NFXL1: variants seen among roughly 807,000 people sequenced by gnomAD.
NFXL1 encodes NF-X1-type zinc finger protein NFXL1.
Under a neutral mutation model 123.3 loss-of-function variants are expected in NFXL1, and 66 were observed. The observed-to-expected ratio is 0.54, with a 90% CI of 0.44 to 0.66. The LOEUF is 0.66. Among genes scored for constraint, NFXL1 ranks in the 30% least tolerant of loss-of-function variants. The pLI is 0.00. For synonymous variants in NFXL1, 346 were observed against 360.8 expected (o/e 0.96, Z 0.46); for missense variants, 944 against 1,125.6 (o/e 0.84, Z 2.31).
Position 47,875,106 on chromosome 4 carries a change from CT to C in NFXL1, c.2246+20del, listed in dbSNP as rs750205635. The C allele has an allele frequency of 4.5e-5, 69 of 1,520,348 alleles. No individual in the cohort carries two copies. Among genetic ancestry groups the C allele is most frequent in the Admixed American group, 2.1e-4 (12 of 56,844 alleles). The allele number at this position is 1,520,348 out of a possible 1,614,324, so 94.2% of individuals were successfully genotyped here. A position where few individuals can be genotyped will look rare whatever the true frequency, so the allele number is the denominator to read the frequency against. ...TTCAACTAATTGTAATAAAATAAGA[CT>C]TTTTTTTCAGTCTACTTACCTACAT... On this transcript the variant is annotated intron_variant, in intron 18 of 22. Coordinates refer to ENST00000507489, the MANE Select transcript of NFXL1 (RefSeq NM_001278624.2).
intron 18 of NFXL1, among the ~76,000 whole-genome samples, chr4:47,872,622 T>C (rs541568961): frequency 6.6e-6 from 1 of 152,302 alleles, no homozygotes; most frequent in African/African-American, 2.4e-5. Flanking sequence ...AAAAGTTATG[T>C]TTACACAATA....
chr4:47,891,338 C>G (rs1736759378), intron 11 of NFXL1, among the ~76,000 whole-genome samples: 2 of 152,070 alleles, frequency 1.3e-5, no homozygotes, highest in African/African-American at 4.8e-5. Flanking sequence ...TCTCAAACTC[C>G]TGAGCTCAAG....
Position 47,905,274 on chromosome 4 carries a change from C to T in NFXL1, c.479G>A (p.Cys160Tyr). The change falls in exon 4 of 23, where the codon TGC becomes TAC. Residue 160 changes from cysteine (C) to tyrosine (Y), a missense_variant. Cys to Tyr is a radical substitution (Grantham distance 194, BLOSUM62 -2). Coordinates refer to ENST00000507489, the MANE Select transcript of NFXL1 (RefSeq NM_001278624.2). ...CTTCACCGAAGCAATACAAATTAGG[C>T]ATGTCATAGCCCCTGCTTGAAAAGC... ...NEAFQAGAMT[C>Y]LICIASVKRN... is the part of the protein sequence containing the mutation. 1 of 1,591,550 alleles carries T rather than the reference C, an allele frequency of 6.3e-7. No homozygotes were observed. The highest frequency in any genetic ancestry group is 8.6e-7 in the Non-Finnish European group (1 of 1,161,774).
chr4:47,875,397 C>A lies in NFXL1; in HGVS notation c.2080-104G>T, dbSNP rs1028888829. 3.9e-6 allele frequency: 3 copies of A among 759,756 alleles called. No individual in the cohort carries two copies. In the African/African-American group the frequency reaches 5.3e-5, roughly 13 times the overall value. The allele number at this position is 759,756 out of a possible 1,614,324, so 47.1% of individuals were successfully genotyped here. ...TATATCCCATTAAAATAAAGTACTT[C>A]TGCAGTTCTTAGAAACAGAGTTAAT... is the stretch of plus-strand genomic sequence containing the variant. On this transcript the variant is annotated intron_variant, in intron 17 of 22. Coordinates refer to ENST00000507489, the MANE Select transcript of NFXL1 (RefSeq NM_001278624.2).
intron 6 of NFXL1, 118 bp downstream of exon 6, chr4:47,899,252 T>C: frequency 2.3e-6 from 3 of 1,284,622 alleles, no homozygotes; most frequent in Non-Finnish European, 3.2e-6. Context: ...GCAATAACTT[T>C]CAATATTTTC....
At chr4:47,907,294 C>T (rs1192660367) in intron 3 of NFXL1, among the ~76,000 whole-genome samples, 1 of 152,214 alleles carries the variant, frequency 6.6e-6, no homozygotes, top group East Asian at 1.9e-4. Flanking sequence ...AAATGACATG[C>T]ATATGCCATC....
rs1183623179 is a variant in NFXL1, at chr4:47,885,670, G to A, written c.1665-13C>T. 1.2e-6 allele frequency: 2 copies of A among 1,605,898 alleles called. No individual in the cohort carries two copies. The highest frequency in any genetic ancestry group is 2.2e-5 in the East Asian group (1 of 44,806). On this transcript the variant is annotated splice_polypyrimidine_tract_variant and intron_variant, in intron 13 of 22. Transcript: ENST00000507489. Reference sequence around the variant, plus strand: ...AGTTGGTGGTCGACTAAATCATAAAGTACAATTTTCAAAAATTACTTTTAG... The same window carrying A: ...AGTTGGTGGTCGACTAAATCATAAAATACAATTTTCAAAAATTACTTTTAG...
chr4:47,879,529 C>G (rs1355618156), intron 15 of NFXL1, among the ~76,000 whole-genome samples: 1 of 152,074 alleles, frequency 6.6e-6, no homozygotes, highest in African/African-American at 2.4e-5. Flanking sequence ...CAACATGATT[C>G]CAATCAAAAT....
intron 15 of NFXL1, among the ~76,000 whole-genome samples, chr4:47,879,557 T>C (rs1735956239): frequency 1.3e-5 from 2 of 152,166 alleles, no homozygotes; most frequent in African/African-American, 4.8e-5. Flanking sequence ...AGTTATTTTG[T>C]ATATATCAAC....
At position 47,852,965 on chromosome 4, in the gene NFXL1, G is replaced by T. The variant is rs1356046686; in HGVS notation, c.2422-1023C>A. On this transcript the variant is annotated intron_variant, in intron 20 of 22. Coordinates refer to ENST00000507489, the MANE Select transcript of NFXL1 (RefSeq NM_001278624.2). ...GGCATGGAATTTTATTACTTGGAGGGTTTTTTTTTTTTTATTCCTTAGTTC... is the reference window on the plus strand; with the variant it reads ...GGCATGGAATTTTATTACTTGGAGGTTTTTTTTTTTTTTATTCCTTAGTTC... Among the ~76,000 whole-genome samples, 52 of 141,506 alleles carry T rather than the reference G, an allele frequency of 3.7e-4. 1 individual carries two copies. Among genetic ancestry groups the T allele is most frequent in the Non-Finnish European group, 7.8e-5 (5 of 64,298 alleles). The allele number at this position is 141,506 out of a possible 152,430, so 92.8% of individuals were successfully genotyped here.
At chr4:47,854,765 T>C (rs532136811) in intron 20 of NFXL1, among the ~76,000 whole-genome samples, 2 of 152,170 alleles carry the variant, frequency 1.3e-5, no homozygotes, top group Admixed American at 6.5e-5. Flanking sequence ...TAAAGCACAT[T>C]GACCAAAACA....
intron 17 of NFXL1, 38 bp downstream of exon 17, chr4:47,878,487 T>C: frequency 7.0e-7 from 1 of 1,418,696 alleles, no homozygotes; most frequent in Non-Finnish European, 9.4e-7. Flanking sequence ...GTTTCAAGAA[T>C]ACTATGGGCA....
Position 47,891,437 on chromosome 4 carries a change from T to C in NFXL1, c.1453-734A>G, listed in dbSNP as rs564502512. Among the ~76,000 whole-genome samples, 54 of 152,258 alleles carry C rather than the reference T, an allele frequency of 3.5e-4. 1 individual carries two copies. The highest frequency in any genetic ancestry group is 6.5e-5 in the Admixed American group (1 of 15,294). On this transcript the variant is annotated intron_variant, in intron 11 of 22. Coordinates refer to ENST00000507489, the MANE Select transcript of NFXL1 (RefSeq NM_001278624.2). The stretch of plus-strand genomic sequence containing the variant: ...TCGTTTGGCAGTTATTTTCAAACCA[T>C]AGATTAAGAGATTAAAGAAGAGAAG...
chr4:47,864,391 C>A (rs1036293751), intron 18 of NFXL1, among the ~76,000 whole-genome samples: 5 of 152,128 alleles, frequency 3.3e-5, no homozygotes, highest in African/African-American at 9.7e-5. Context: ...AAAAATATAA[C>A]CTTCCTCCGC....
intron 18 of NFXL1, among the ~76,000 whole-genome samples, chr4:47,874,859 AT>A (rs1264262380): frequency 2.6e-5 from 4 of 152,084 alleles, no homozygotes; most frequent in East Asian, 1.9e-4. Flanking sequence ...GAGTATTTAA[AT>A]TTTTTTTAAA....
At chr4:47,848,451 T>C in intron 22 of NFXL1, 115 bp from the exon 23 acceptor site, 2 of 737,662 alleles carry the variant, frequency 2.7e-6, no homozygotes. Flanking sequence ...ATATAGTCAA[T>C]ATATTGATTT....
chr4:47,883,944 G>A (rs1003800544), intron 15 of NFXL1, among the ~76,000 whole-genome samples: 1 of 152,122 alleles, frequency 6.6e-6, no homozygotes, highest in Admixed American at 6.5e-5. Context: ...CATTTCCAAG[G>A]CTTCCTTTAA....
At chr4:47,867,523 T>A (rs907073550) in intron 18 of NFXL1, among the ~76,000 whole-genome samples, 46 of 151,872 alleles carry the variant, frequency 3.0e-4, no homozygotes, top group Admixed American at 5.2e-4. Flanking sequence ...AAAACTATAA[T>A]CCAGGAAAAT....
intron 21 of NFXL1, 23 bp downstream of exon 21, chr4:47,851,833 A>T: frequency 6.8e-7 from 1 of 1,470,018 alleles, no homozygotes; most frequent in Admixed American, 1.7e-5. Context: ...TAGTCTTTAA[A>T]ATGATATTTA....
Sources: allele counts gnomAD v4.1 joint callset (sites outside exome capture counted in the v4.1 genomes callset), GRCh38; gene constraint gnomAD v4.1.1; transcripts MANE v1.5; gene names NCBI Gene and HGNC (gene_info 2026-07-23, HGNC 2026-07-21).